Variants in MROH2A observed in about 807,000 individuals in gnomAD.
The protein encoded by MROH2A is maestro heat like repeat family member 2A, also known as maestro heat-like repeat-containing protein family member 2A.
Under a neutral mutation model 200.4 loss-of-function variants are expected in MROH2A, and 174 were observed. The ratio of observed to expected loss-of-function variants is 0.87; its 90% CI spans 0.77 to 0.98. The LOEUF (loss-of-function observed/expected upper bound fraction) is 0.98, where lower values mean the gene tolerates loss of function less well. Ranked by LOEUF, MROH2A falls within the 50% of genes least tolerant of loss-of-function variation. The pLI is 0.00. For synonymous variants in MROH2A, 829 were observed against 840.4 expected (o/e 0.99, Z 0.23); for missense variants, 2,045 against 2,139.6 (o/e 0.96, Z 0.87).
At chr2:233,804,627 C>A in intron 18 of MROH2A, 80 bp downstream of exon 18, 1 of 1,318,508 alleles carries the variant, frequency 7.6e-7, no homozygotes, top group Non-Finnish European at 1.1e-6. Flanking sequence ...GTGGGCTGGG[C>A]ACATGAGGAG....
At chr2:233,826,385 T>A (rs914721749) in intron 35 of MROH2A, among the ~76,000 whole-genome samples, 1 of 152,062 alleles carries the variant, frequency 6.6e-6, no homozygotes, top group African/African-American at 2.4e-5. Flanking sequence ...CACAGACCAA[T>A]GGAACAGAAT....
chr2:233,822,765 A>G, intron 33 of MROH2A, 116 bp from the exon 34 acceptor site: 1 of 1,338,304 alleles, frequency 7.5e-7, no homozygotes, highest in Non-Finnish European at 1.0e-6. Context: ...CCTTTCCCTC[A>G]GTCCCTTGGG....
rs944154130 is a variant in MROH2A, at chr2:233,811,806, C to G, written c.2572-74C>G. The G allele has an allele frequency of 4.8e-5, 46 of 956,922 alleles. No individual in the cohort carries two copies. In the African/African-American group the frequency reaches 6.8e-4, roughly 14 times the overall value. The allele number at this position is 956,922 out of a possible 1,614,324, so 59.3% of individuals were successfully genotyped here. A position where few individuals can be genotyped will look rare whatever the true frequency, so the allele number is the denominator to read the frequency against. ...ACACTTTGGGAAGTGCCAGGTCTTC[C>G]TCATGCTAACACTGGGGAGTGCTGC... On this transcript the variant is annotated intron_variant, in intron 23 of 41. Transcript: ENST00000389758.
Position 233,819,966 on chromosome 2 carries a change from G to T in MROH2A, c.3422G>T (p.Arg1141Leu). 6.5e-7 allele frequency: 1 copy of T among 1,546,534 alleles called. No homozygotes were observed. The highest frequency in any genetic ancestry group is 1.2e-5 in the South Asian group (1 of 83,804). ...LPVVDHPEVR[R>L]LLIDGILLLA... ...GTGGTGGACCACCCAGAGGTGCGGC[G>T]CCTTCTCATTGACGGCATCCTGCTG... The change falls in exon 31 of 42, where the codon CGC becomes CTC. Residue 1141 changes from arginine to leucine, a missense_variant. Physicochemically the swap from Arg to Leu is moderately radical, Grantham distance 102. Transcript: ENST00000389758.
Position 233,789,629 on chromosome 2 carries a change from G to T in MROH2A, c.408+1G>T, listed in dbSNP as rs905537638. ...CAAGGAGATGAGGGAGATCCCAGAG[G>T]TAGGACCCCAAGCTCCATCGGTGCC... On this transcript the variant is annotated splice_donor_variant, in intron 4 of 41. Transcript: ENST00000389758. LOFTEE classifies it high-confidence loss of function. 2 of 1,458,196 alleles carry T rather than the reference G, an allele frequency of 1.4e-6. No homozygotes were observed. The highest frequency in any genetic ancestry group is 3.0e-5 in the South Asian group (2 of 67,724). 90.3% of individuals were successfully genotyped at this position (1,458,196 alleles called of 1,614,324 possible).
At chr2:233,822,853 C>A (rs1413307423) in intron 33 of MROH2A, 28 bp from the exon 34 acceptor site, 2 of 1,549,036 alleles carry the variant, frequency 1.3e-6, no homozygotes, top group Admixed American at 3.9e-5. Flanking sequence ...AGCAGGGCAG[C>A]GCATCACAAG....
intron 24 of MROH2A, 87 bp downstream of exon 24, chr2:233,812,046 T>A: frequency 1.1e-6 from 1 of 895,526 alleles, no homozygotes; most frequent in Non-Finnish European, 1.8e-6. Context: ...GGGTTGTGCC[T>A]CCTTTTTCCT....
rs1026588285 is a variant in MROH2A, at chr2:233,795,668, C to T, written c.982C>T (p.Leu328=). Reference sequence around the variant, plus strand: ...TCCACTGCAGGTCTTGAGGCAGATCCTGGAACTGTCAGTCACCACCAACAC... The same window carrying T: ...TCCACTGCAGGTCTTGAGGCAGATCTTGGAACTGTCAGTCACCACCAACAC... ...LFVTQVLRQI[L]ELSVTTNTPV... is the part of the protein sequence containing the mutation. Residue 328 remains leucine, a synonymous_variant, in exon 9 of 42, where the codon CTG becomes TTG. Transcript: ENST00000389758. 1.3e-6 allele frequency: 2 copies of T among 1,550,936 alleles called. No homozygotes were observed. The highest frequency in any genetic ancestry group is 8.7e-7 in the Non-Finnish European group (1 of 1,147,046).
intron 24 of MROH2A, among the ~76,000 whole-genome samples, chr2:233,812,199 A>C (rs1703206765): frequency 6.6e-6 from 1 of 152,234 alleles, no homozygotes; most frequent in Non-Finnish European, 1.5e-5. Flanking sequence ...GATTTATGGC[A>C]CATGGGTGGG....
At position 233,789,574 on chromosome 2, in the gene MROH2A, G is replaced by A. The variant is rs191058408; in HGVS notation, c.354G>A (p.Gln118=). 1.7e-5 allele frequency: 25 copies of A among 1,501,102 alleles called. No individual in the cohort carries two copies. The East Asian group carries it at 6.2e-4, about 37-fold the overall frequency. The allele number at this position is 1,501,102 out of a possible 1,614,324, so 93.0% of individuals were successfully genotyped here. The change falls in exon 4 of 42, where the codon CAG becomes CAA. Residue 118 remains glutamine, a synonymous_variant. Coordinates refer to ENST00000389758, the MANE Select transcript of MROH2A (RefSeq NM_001394639.1). The stretch of plus-strand genomic sequence containing the variant: ...AGCAGGAGGGGGAGCTGGAGGAGCA[G>A]TGCGTGCAGAGGCTGGTGGCCATTG... The part of the protein sequence containing the change: ...IIQQEGELEE[Q]CVQRLVAIAS...
chr2:233,806,360 A>G (rs1500473), intron 19 of MROH2A, among the ~76,000 whole-genome samples: 12,562 of 152,206 alleles, frequency 0.083, 993 homozygotes, highest in African/African-American at 0.2. Context: ...CTCATCTCCA[A>G]AAACAATAAT....
chr2:233,780,027 T>G (rs1700873776), intron 3 of MROH2A, among the ~76,000 whole-genome samples, 175 bp downstream of exon 3: 1 of 152,228 alleles, frequency 6.6e-6, no homozygotes, highest in South Asian at 2.1e-4. Context: ...GAGATGTTCA[T>G]AATTTTTAAA....
chr2:233,803,785 C>T (rs1230991059), intron 16 of MROH2A, among the ~76,000 whole-genome samples: 1 of 152,134 alleles, frequency 6.6e-6, no homozygotes, highest in Non-Finnish European at 1.5e-5. Flanking sequence ...TGGCTCAGTC[C>T]AGGACCCATG....
intron 39 of MROH2A, 150 bp from the exon 40 acceptor site, chr2:233,832,027 T>C (rs1704791409): frequency 3.1e-6 from 2 of 641,552 alleles, no homozygotes; most frequent in Non-Finnish European, 2.7e-6. Context: ...CAGTGGTCCT[T>C]CACTTGCCAG....
At chr2:233,799,296 C>A (rs527638627) in intron 12 of MROH2A, among the ~76,000 whole-genome samples, 1 of 152,076 alleles carries the variant, frequency 6.6e-6, no homozygotes, top group Non-Finnish European at 1.5e-5. Context: ...AAGGGAGGTC[C>A]GGCATAGTGA....
Position 233,810,934 on chromosome 2 carries a change from C to T in MROH2A, c.2571+18C>T. The T allele has an allele frequency of 6.5e-7, 1 of 1,548,698 alleles. No homozygotes were observed. The highest frequency in any genetic ancestry group is 8.7e-7 in the Non-Finnish European group (1 of 1,145,848). Reference sequence around the variant, plus strand: ...TTATAGTGGTAAGCTGGGTGGGGCACCTCCTTGGTCCTGTTCCTGGTTTTG... The same window carrying T: ...TTATAGTGGTAAGCTGGGTGGGGCATCTCCTTGGTCCTGTTCCTGGTTTTG... On this transcript the variant is annotated intron_variant, in intron 23 of 41. Transcript: ENST00000389758.
chr2:233,827,729 A>T (rs555672451), intron 35 of MROH2A, among the ~76,000 whole-genome samples: 3 of 152,182 alleles, frequency 2.0e-5, no homozygotes, highest in African/African-American at 7.2e-5. Context: ...AACTAAAAAT[A>T]AAAATTAAAA....
chr2:233,811,202 C>T (rs1172726872), intron 23 of MROH2A, among the ~76,000 whole-genome samples: 3 of 152,192 alleles, frequency 2.0e-5, no homozygotes, highest in Admixed American at 6.5e-5. Context: ...ACAGAGATTC[C>T]CTGGGCCGGC....
In MROH2A at chr2:233,818,678, C is replaced by G. The variant is rs1410530011; in HGVS notation, c.3112C>G (p.Pro1038Ala). 8 of 1,549,758 alleles carry G rather than the reference C, an allele frequency of 5.2e-6. No individual in the cohort carries two copies. The highest frequency in any genetic ancestry group is 7.0e-6 in the Non-Finnish European group (8 of 1,146,378). The stretch of plus-strand genomic sequence containing the variant: ...AAGCCAGACCTGCTCCTTGTGGGGC[C>G]CTTCCAAGCAGAAGGAGCTTGAGAA... The part of the protein sequence containing the change: ...HASQTCSLWG[P>A]SKQKELEKCK... The change falls in exon 29 of 42, where the codon CCT (proline) becomes GCT (alanine). Residue 1038 changes from proline to alanine, a missense_variant. By Grantham distance (27) the Pro-to-Ala change is conservative (BLOSUM62 -1). Coordinates refer to ENST00000389758, the MANE Select transcript of MROH2A (RefSeq NM_001394639.1).
Sources: allele counts gnomAD v4.1 joint callset (sites outside exome capture counted in the v4.1 genomes callset), GRCh38; gene constraint gnomAD v4.1.1; transcripts MANE v1.5; gene names NCBI Gene and HGNC (gene_info 2026-07-23, HGNC 2026-07-21).